SGK1: variants seen among roughly 807,000 people sequenced by gnomAD.
The protein encoded by SGK1 is serine/threonine-protein kinase Sgk1.
In SGK1, 26 loss-of-function variants were observed where a neutral mutation model predicts 64.2. The ratio of observed to expected loss-of-function variants is 0.40; its 90% confidence interval spans 0.30 to 0.56. SGK1 has a LOEUF of 0.56. Among genes scored for constraint, SGK1 ranks in the 20% least tolerant of loss-of-function variants. The probability of loss-of-function intolerance (pLI) is 0.38; values close to 1 mark genes in which losing one functional copy is unlikely to be tolerated. For missense variants in SGK1, 519 were observed against 645.6 expected, an observed-to-expected ratio of 0.80 and a Z score of 2.12; for synonymous variants, 265 against 239.7, an observed-to-expected ratio of 1.11 and a Z score of -0.98.
At chr6:134,316,493 T>C (rs1777686612) in intron 1 of SGK1, among the ~76,000 whole-genome samples, 2 of 152,080 alleles carry the variant, frequency 1.3e-5, no homozygotes, top group South Asian at 4.1e-4. Flanking sequence ...GTCATTCCTT[T>C]AACAATCATT....
chr6:134,281,519 C>CT (rs35370292), intron 1 of SGK1, among the ~76,000 whole-genome samples: 41,591 of 141,944 alleles, frequency 0.29, 5,981 homozygotes, highest in East Asian at 0.52. Flanking sequence ...CCAATTTGTT[C>CT]TTTTTTTTTT....
intron 2 of SGK1, among the ~76,000 whole-genome samples, chr6:134,210,031 C>T (rs1365001214): frequency 2.0e-5 from 3 of 152,190 alleles, no homozygotes; most frequent in East Asian, 3.9e-4. Context: ...CTGGTACAAG[C>T]TCCTTCTCTT....
intron 3 of SGK1, among the ~76,000 whole-genome samples, chr6:134,188,622 A>G (rs894013713): frequency 5.3e-5 from 8 of 152,218 alleles, no homozygotes; most frequent in Non-Finnish European, 5.9e-5. Context: ...GAGACATGAA[A>G]ACAATAATCC....
chr6:134,270,231 T>C (rs991030135), intron 1 of SGK1, among the ~76,000 whole-genome samples: 1 of 147,970 alleles, frequency 6.8e-6, no homozygotes, highest in Non-Finnish European at 1.5e-5. Flanking sequence ...CCAGGCCTAT[T>C]ACTGTCTTTT....
intron 1 of SGK1, among the ~76,000 whole-genome samples, chr6:134,276,809 T>C (rs558317466): frequency 2.0e-5 from 3 of 152,290 alleles, no homozygotes; most frequent in East Asian, 1.9e-4. Flanking sequence ...CCCAGCACTT[T>C]GGAAGGCTGA....
In SGK1 at chr6:134,292,225, T is replaced by C. The variant is rs2114781519; in HGVS notation, c.69+25167A>G. Among the ~76,000 whole-genome samples, 4 of 152,336 alleles carry C rather than the reference T, an allele frequency of 2.6e-5. 1 individual carries two copies. In the Middle Eastern group the frequency reaches 0.01, roughly 389 times the overall value. ...AGACTCGTTTTACAGATGAGGAAAGTGACACCCAGAGAAGTTCCTTTAGTG... is the reference window on the plus strand; with the variant it reads ...AGACTCGTTTTACAGATGAGGAAAGCGACACCCAGAGAAGTTCCTTTAGTG... On this transcript the variant is annotated intron_variant, in intron 1 of 13. Coordinates refer to ENST00000367858, the MANE Select transcript of SGK1 (RefSeq NM_001143676.3).
At chr6:134,214,740 A>C (rs924728466) in intron 2 of SGK1, among the ~76,000 whole-genome samples, 2 of 152,184 alleles carry the variant, frequency 1.3e-5, no homozygotes, top group African/African-American at 4.8e-5. Flanking sequence ...AGCCCCCTAA[A>C]AATCAGTGGA....
chr6:134,187,311 C>G (rs1775440832), intron 3 of SGK1, among the ~76,000 whole-genome samples: 1 of 152,162 alleles, frequency 6.6e-6, no homozygotes, highest in Non-Finnish European at 1.5e-5. Flanking sequence ...AAGCACTCCT[C>G]CCTCTGGAAC....
intron 1 of SGK1, among the ~76,000 whole-genome samples, chr6:134,272,787 A>G (rs1412349942): frequency 1.3e-5 from 2 of 148,322 alleles, no homozygotes; most frequent in Non-Finnish European, 3.0e-5. Flanking sequence ...AAAGCGAAGA[A>G]CATAATAACA....
In SGK1 at chr6:134,317,604, C is replaced by G. The variant is rs957120235; in HGVS notation, c.-144G>C. 1.5e-6 allele frequency: 1 copy of G among 687,810 alleles called. No individual in the cohort carries two copies. Among genetic ancestry groups the G allele is most frequent in the Non-Finnish European group, 2.7e-6 (1 of 374,994 alleles). The allele number at this position is 687,810 out of a possible 1,614,324, so 42.6% of individuals were successfully genotyped here. A position where few individuals can be genotyped will look rare whatever the true frequency, so the allele number is the denominator to read the frequency against. On this transcript the variant is annotated 5_prime_UTR_variant, in exon 1 of 14. Transcript: ENST00000367858. ...ATCTAGCGGGGCTCAGTTCTTCACT[C>G]GCGCATTCTGCAGCACCAGCTACTG...
chr6:134,235,541 T>TTTATTTATTTATTTATTTA (rs139727119), intron 2 of SGK1, among the ~76,000 whole-genome samples: 1 of 92,122 alleles, frequency 1.1e-5, no homozygotes, highest in Non-Finnish European at 2.3e-5. Flanking sequence ...AAATAGATAT[T>TTTATTTATTTATTTATTTA]TTTATTTATT....
At chr6:134,267,309 T>C (rs903487377) in intron 1 of SGK1, among the ~76,000 whole-genome samples, 9 of 152,160 alleles carry the variant, frequency 5.9e-5, no homozygotes, top group Non-Finnish European at 1.3e-4. Context: ...GGTTGGTTTT[T>C]TTTACAGAGA....
intron 3 of SGK1, among the ~76,000 whole-genome samples, chr6:134,194,855 C>T (rs1184812321): frequency 3.9e-5 from 6 of 152,128 alleles, no homozygotes; most frequent in African/African-American, 1.4e-4. Flanking sequence ...ATTATGTATC[C>T]TGTATTATGA....
At chr6:134,204,873 G>T (rs1775743554) in intron 3 of SGK1, among the ~76,000 whole-genome samples, 1 of 151,886 alleles carries the variant, frequency 6.6e-6, no homozygotes, top group African/African-American at 2.4e-5. Context: ...ATTTATTTAG[G>T]CTTCAAAAAT....
At chr6:134,295,666 G>A (rs1039052346) in intron 1 of SGK1, among the ~76,000 whole-genome samples, 2 of 150,192 alleles carry the variant, frequency 1.3e-5, no homozygotes, top group Non-Finnish European at 2.9e-5. Flanking sequence ...TCGTGCCACT[G>A]CACTCTAGCC....
At chr6:134,278,432 A>G (rs1402516734) in intron 1 of SGK1, among the ~76,000 whole-genome samples, 1 of 152,246 alleles carries the variant, frequency 6.6e-6, no homozygotes, top group Non-Finnish European at 1.5e-5. Flanking sequence ...AATGAAAGGT[A>G]AGATGATTAA....
intron 3 of SGK1, among the ~76,000 whole-genome samples, chr6:134,191,540 A>G (rs368939724): frequency 5.5e-4 from 84 of 152,338 alleles, no homozygotes; most frequent in African/African-American, 1.9e-3. Context: ...GGACATACCT[A>G]TCAGCGAAAT....
At chr6:134,300,195 G>A (rs908852175) in intron 1 of SGK1, among the ~76,000 whole-genome samples, 1 of 152,098 alleles carries the variant, frequency 6.6e-6, no homozygotes, top group Admixed American at 6.6e-5. Context: ...GGAAAGGCAG[G>A]GAGAAAGAAG....
At chr6:134,171,959 T>G (rs1401935199) in intron 10 of SGK1, 9 of 640,568 alleles carry the variant, frequency 1.4e-5, no homozygotes, top group Non-Finnish European at 2.4e-5. Flanking sequence ...CTTAGGGATT[T>G]AGAAAGTTTT....
Sources: allele counts gnomAD v4.1 joint callset (sites outside exome capture counted in the v4.1 genomes callset), GRCh38; gene constraint gnomAD v4.1.1; transcripts MANE v1.5; gene names NCBI Gene and HGNC (gene_info 2026-07-23, HGNC 2026-07-21).